TERB1: variants seen among roughly 807,000 people sequenced by gnomAD.
TERB1 encodes telomere repeat binding bouquet formation protein 1.
A neutral mutation model predicts 92.3 loss-of-function variants in TERB1; 63 were observed. That is an observed-to-expected ratio of 0.68 (90% confidence interval 0.56 to 0.84). TERB1 has a LOEUF of 0.84. Among genes scored for constraint, TERB1 ranks in the 40% least tolerant of loss-of-function variants. TERB1 has a pLI of 0.00. For synonymous variants in TERB1, 252 were observed against 283.9 expected (o/e 0.89, Z 1.13); for missense variants, 709 against 843.7 (o/e 0.84, Z 1.98).
At chr16:66,759,312 TTATG>T (rs2018190700) in intron 16 of TERB1, 22 bp from the exon 17 acceptor site, 1 of 1,517,072 alleles carries the variant, frequency 6.6e-7, no homozygotes, top group Admixed American at 2.4e-5. Context: ...CAAATTAAAG[TTATG>T]TGTAGATGTC....
chr16:66,796,938 A>T, intron 2 of TERB1, 108 bp from the exon 3 acceptor site: 1 of 569,306 alleles, frequency 1.8e-6, no homozygotes, highest in African/African-American at 1.9e-5. Flanking sequence ...AAGACCGAGG[A>T]ACTACAACTT....
chr16:66,767,576 A>ATT, intron 15 of TERB1, 66 bp from the exon 16 acceptor site: 1 of 756,386 alleles, frequency 1.3e-6, no homozygotes, highest in South Asian at 1.8e-5. Context: ...TTCAGGATTT[A>ATT]TTAAATATCA....
At position 66,772,622 on chromosome 16, in the gene TERB1, G is replaced by T; in HGVS notation, c.1239C>A (p.His413Gln). ...CTTCTCTTTCAAGCTGTTCTATTCTGTGTAGAATTTCCTTTGCTTTCCTCC... is the reference window on the plus strand; with the variant it reads ...CTTCTCTTTCAAGCTGTTCTATTCTTTGTAGAATTTCCTTTGCTTTCCTCC... ...EHWRKAKEIL[H>Q]RIEQLEREGN... Residue 413 changes from histidine to glutamine, a missense_variant, in exon 13 of 19, where the codon CAC (histidine) becomes CAA (glutamine). His to Gln is a conservative substitution (Grantham distance 24, BLOSUM62 0). Transcript: ENST00000433154. 6.4e-7 allele frequency: 1 copy of T among 1,551,568 alleles called. No homozygotes were observed. Among genetic ancestry groups the T allele is most frequent in the South Asian group, 1.2e-5 (1 of 83,944 alleles).
Position 66,758,849 on chromosome 16 carries a change from T to G in TERB1, c.1931-11A>C. 1 of 1,512,202 alleles carries G rather than the reference T, an allele frequency of 6.6e-7. No homozygotes were observed. Among genetic ancestry groups the G allele is most frequent in the African/African-American group, 1.4e-5 (1 of 72,130 alleles). 93.7% of individuals were successfully genotyped at this position (1,512,202 alleles called of 1,614,324 possible). ...GGGTCAGCAGAATTTCTGAAAAATA[T>G]GGAAAACATTTAGCACATTTAGCGT... On this transcript the variant is annotated splice_polypyrimidine_tract_variant and intron_variant, in intron 17 of 18. Coordinates refer to ENST00000433154, the MANE Select transcript of TERB1 (RefSeq NM_001136505.2).
chr16:66,795,825 T>C (rs1288151724), intron 3 of TERB1, among the ~76,000 whole-genome samples: 1 of 152,242 alleles, frequency 6.6e-6, no homozygotes, highest in African/African-American at 2.4e-5. Flanking sequence ...AGTGGTTCAC[T>C]GTAGCCTTGA....
Position 66,767,512 on chromosome 16 carries a change from T to G in TERB1, c.1685-2A>C. On this transcript the variant is annotated splice_acceptor_variant, in intron 15 of 18. Transcript: ENST00000433154. LOFTEE classifies it high-confidence loss of function. ...TATCTGAACATAATGTAAATGGATC[T>G]GAAAAAAATTGCAAAATGAAGGATT... 7.3e-7 allele frequency: 1 copy of G among 1,369,310 alleles called. No homozygotes were observed. The allele number at this position is 1,369,310 out of a possible 1,614,324, so 84.8% of individuals were successfully genotyped here.
chr16:66,786,154 G>C (rs2018725761), intron 7 of TERB1, 25 bp from the exon 8 acceptor site: 3 of 1,535,144 alleles, frequency 2.0e-6, no homozygotes, highest in African/African-American at 2.8e-5. Context: ...AGAAAAGAAA[G>C]TAAATTAATA....
rs140570058 is a variant in TERB1, at chr16:66,770,284, T to C, written c.1298A>G (p.Gln433Arg). 7 of 1,545,668 alleles carry C rather than the reference T, an allele frequency of 4.5e-6. No homozygotes were observed. In the African/African-American group the frequency reaches 9.6e-5, roughly 21 times the overall value. The change falls in exon 14 of 19, where the codon CAG becomes CGG. Residue 433 changes from glutamine to arginine, a missense_variant. Coordinates refer to ENST00000433154, the MANE Select transcript of TERB1 (RefSeq NM_001136505.2). ...NEEEIQRENYQDNISSMNISI... is the reference protein window; with the variant it reads ...NEEEIQRENYRDNISSMNISI... ...TATGTTCATAGATGAAATATTATCC[T>C]GATAGTTTTCTCTTTGTATTTCTTC...
chr16:66,756,789 C>T (rs552508175), intron 18 of TERB1, among the ~76,000 whole-genome samples: 115 of 152,284 alleles, frequency 7.6e-4, no homozygotes, highest in African/African-American at 2.8e-3. Context: ...GAGTACTGAG[C>T]AGCCTGGAAG....
At position 66,759,131 on chromosome 16, in the gene TERB1, A is replaced by G; in HGVS notation, c.1930+10T>C. 1 of 1,530,478 alleles carries G rather than the reference A, an allele frequency of 6.5e-7. No individual in the cohort carries two copies. The highest frequency in any genetic ancestry group is 8.8e-7 in the Non-Finnish European group (1 of 1,138,056). The allele number at this position is 1,530,478 out of a possible 1,614,324, so 94.8% of individuals were successfully genotyped here. ...CATAATTACAATTTTAAAGCTGCTG[A>G]ATTAATTACTTTTGTTACAGATAAG... On this transcript the variant is annotated intron_variant, in intron 17 of 18. Coordinates refer to ENST00000433154, the MANE Select transcript of TERB1 (RefSeq NM_001136505.2).
chr16:66,774,856 T>A (rs2018518671), intron 12 of TERB1, among the ~76,000 whole-genome samples: 1 of 151,728 alleles, frequency 6.6e-6, no homozygotes, highest in Non-Finnish European at 1.5e-5. Context: ...CCAGATAATT[T>A]TTTCTATATA....
chr16:66,759,328 CA>C, intron 16 of TERB1, 38 bp from the exon 17 acceptor site: 1 of 1,440,326 alleles, frequency 6.9e-7, no homozygotes, highest in Non-Finnish European at 9.3e-7. Context: ...GTAGATGTCA[CA>C]AAATATCTAG....
At chr16:66,775,272 T>C (rs760507149) in intron 11 of TERB1, 29 bp from the exon 12 acceptor site, 5 of 1,528,446 alleles carry the variant, frequency 3.3e-6, no homozygotes, top group Admixed American at 4.0e-5. Context: ...GAGGACAATG[T>C]TTTTTATCAT....
chr16:66,761,958 C>CA (rs2018258315), intron 16 of TERB1, among the ~76,000 whole-genome samples: 1 of 152,200 alleles, frequency 6.6e-6, no homozygotes, highest in East Asian at 1.9e-4. Context: ...GAGGCTGCGG[C>CA]AGGAGAATCG....
chr16:66,784,325 T>C (rs1361304030), intron 9 of TERB1, among the ~76,000 whole-genome samples: 3 of 152,058 alleles, frequency 2.0e-5, no homozygotes, highest in Non-Finnish European at 2.9e-5. Context: ...ATATGGTTTT[T>C]TTGGGTTTTT....
At chr16:66,782,198 TCAA>T (rs1230325647) in intron 9 of TERB1, among the ~76,000 whole-genome samples, 2 of 152,176 alleles carry the variant, frequency 1.3e-5, no homozygotes, top group Admixed American at 1.3e-4. Flanking sequence ...TTGTAGACAA[TCAA>T]CAACAATATA....
Position 66,772,755 on chromosome 16 carries a change from T to C in TERB1, c.1112-6A>G, listed in dbSNP as rs1310353095. Reference sequence around the variant, plus strand: ...ACTTAGAGATAATTTCTCAGCTTTGTAGTATGGGAAAAAACAATGAATGAA... The same window carrying C: ...ACTTAGAGATAATTTCTCAGCTTTGCAGTATGGGAAAAAACAATGAATGAA... On this transcript the variant is annotated splice_polypyrimidine_tract_variant and splice_region_variant and intron_variant, in intron 12 of 18. Coordinates refer to ENST00000433154, the MANE Select transcript of TERB1 (RefSeq NM_001136505.2). 25 of 1,528,962 alleles carry C rather than the reference T, an allele frequency of 1.6e-5. No individual in the cohort carries two copies. The highest frequency in any genetic ancestry group is 2.1e-5 in the Non-Finnish European group (24 of 1,137,568). The allele number at this position is 1,528,962 out of a possible 1,614,324, so 94.7% of individuals were successfully genotyped here. A position where few individuals can be genotyped will look rare whatever the true frequency, so the allele number is the denominator to read the frequency against.
At chr16:66,780,857 T>A (rs16956948) in intron 9 of TERB1, among the ~76,000 whole-genome samples, 6,741 of 152,282 alleles carry the variant, frequency 0.044, 359 homozygotes, top group East Asian at 0.24. Flanking sequence ...TAGAGATACA[T>A]CCTTTGCATG....
intron 9 of TERB1, 117 bp from the exon 10 acceptor site, chr16:66,779,132 C>A: frequency 1.4e-6 from 1 of 739,002 alleles, no homozygotes; most frequent in Admixed American, 3.8e-5. Context: ...CTAAAAATCC[C>A]AAAATTAAAG....
Sources: allele counts gnomAD v4.1 joint callset (sites outside exome capture counted in the v4.1 genomes callset), GRCh38; gene constraint gnomAD v4.1.1; transcripts MANE v1.5; gene names NCBI Gene and HGNC (gene_info 2026-07-23, HGNC 2026-07-21).